The following SNX27 variants were observed in gnomAD, a reference collection of about 807,000 sequenced individuals.
SNX27 encodes the protein sorting nexin 27, also known as sorting nexin-27.
A neutral mutation model predicts 71.6 loss-of-function variants in SNX27; 22 were observed. The observed-to-expected ratio is 0.31, with a 90% CI of 0.22 to 0.44. The LOEUF is 0.44. Ranked by LOEUF, SNX27 falls within the 20% of genes least tolerant of loss-of-function variation. SNX27 has a pLI of 1.00. For missense variants in SNX27, 531 were observed against 698.6 expected (o/e 0.76, Z 2.70); for synonymous variants, 269 against 277.2 (o/e 0.97, Z 0.29).
chr1:151,637,474 G>A (rs1571790401), intron 1 of SNX27, among the ~76,000 whole-genome samples: 1 of 152,160 alleles, frequency 6.6e-6, no homozygotes, highest in Non-Finnish European at 1.5e-5. Context: ...CACCGCGCCC[G>A]GCGCCTGATC....
chr1:151,618,090 C>A (rs1040452019), intron 1 of SNX27, among the ~76,000 whole-genome samples: 2 of 151,134 alleles, frequency 1.3e-5, no homozygotes, highest in Non-Finnish European at 2.9e-5. Flanking sequence ...GGTCTTGAAC[C>A]CCTGGCCTCA....
At chr1:151,675,734 C>G (rs1315017780) in intron 7 of SNX27, 1 of 141,834 alleles carries the variant, frequency 7.1e-6, no homozygotes, top group Non-Finnish European at 1.5e-5. Context: ...GTGATTAACT[C>G]TTGTAATATC....
At chr1:151,630,357 A>G (rs1423224751) in intron 1 of SNX27, among the ~76,000 whole-genome samples, 2 of 152,164 alleles carry the variant, frequency 1.3e-5, no homozygotes, top group East Asian at 3.8e-4. Flanking sequence ...TTATAAAACC[A>G]TCTCATATTC....
chr1:151,629,495 GCGTATATATATACATATATACA>G (rs1437571910), intron 1 of SNX27: 1 of 149,060 alleles, frequency 6.7e-6, no homozygotes, highest in Non-Finnish European at 1.5e-5. Context: ...ATACATGTAT[GCGTATATATATACATATATACA>G]CGTATATATA....
At chr1:151,689,505 A>G (rs1671341344) in intron 8 of SNX27, among the ~76,000 whole-genome samples, 1 of 152,220 alleles carries the variant, frequency 6.6e-6, no homozygotes, top group Non-Finnish European at 1.5e-5. Context: ...CTTTGTCGGC[A>G]TGCTTCTCTC....
chr1:151,639,584 C>T (rs1352317451), intron 2 of SNX27, among the ~76,000 whole-genome samples: 1 of 152,164 alleles, frequency 6.6e-6, no homozygotes, highest in Non-Finnish European at 1.5e-5. Flanking sequence ...ACTCTTCTTT[C>T]CACATCATGT....
chr1:151,694,220 C>CCAT, intron 11 of SNX27, 150 bp from the exon 12 acceptor site: 1 of 1,415,212 alleles, frequency 7.1e-7, no homozygotes. Context: ...CTCTAAAAGG[C>CCAT]TATGATTCTA....
intron 1 of SNX27, among the ~76,000 whole-genome samples, chr1:151,627,493 A>T (rs543942441): frequency 6.6e-6 from 1 of 152,356 alleles, no homozygotes; most frequent in South Asian, 2.1e-4. Context: ...TTTGAAATAC[A>T]GTTAGGTTCT....
chr1:151,658,413 A>C lies in SNX27; in HGVS notation c.722A>C (p.Glu241Ala). The C allele has an allele frequency of 3.1e-6, 5 of 1,613,948 alleles. No homozygotes were observed. The highest frequency in any genetic ancestry group is 4.2e-6 in the Non-Finnish European group (5 of 1,179,918). Residue 241 changes from glutamate to alanine, a missense_variant, in exon 3 of 12, where the codon GAA becomes GCA. Coordinates refer to ENST00000458013, the MANE Select transcript of SNX27 (RefSeq NM_001330723.2). ...QLDARRRGLE[E>A]YLEKVCSIRV... ...GATGCCCGACGTCGGGGATTGGAAGAATATCTAGAAAAAGGTAATCCAAAC... is the reference window on the plus strand; with the variant it reads ...GATGCCCGACGTCGGGGATTGGAAGCATATCTAGAAAAAGGTAATCCAAAC...
At chr1:151,654,637 A>G (rs6701385) in intron 2 of SNX27, among the ~76,000 whole-genome samples, 14,942 of 152,160 alleles carry the variant, frequency 0.098, 796 homozygotes, top group South Asian at 0.14. Flanking sequence ...TCATTTATAA[A>G]GAAAAGTGAT....
intron 5 of SNX27, among the ~76,000 whole-genome samples, chr1:151,664,470 A>G (rs77723692): frequency 0.031 from 4,747 of 151,990 alleles, 281 homozygotes; most frequent in African/African-American, 0.11. Context: ...CTAGATATCT[A>G]GAATAGGACA....
intron 1 of SNX27, among the ~76,000 whole-genome samples, chr1:151,624,409 T>TATA (rs1667822835): frequency 1.5e-5 from 2 of 129,778 alleles, no homozygotes; most frequent in Non-Finnish European, 3.1e-5. Flanking sequence ...TAGCTTGATT[T>TATA]TATATATATA....
chr1:151,693,096 T>TC lies in SNX27; in HGVS notation c.1518+58dup, dbSNP rs1671535336. The TC allele has an allele frequency of 1.9e-6, 3 of 1,590,442 alleles. No individual in the cohort carries two copies. The East Asian group carries it at 6.7e-5, about 36-fold the overall frequency. On this transcript the variant is annotated intron_variant, in intron 10 of 11. Transcript: ENST00000458013. The stretch of plus-strand genomic sequence containing the variant: ...TTAGTTTGTTTTTTTGTTTTTTTTT[T>TC]CAGCTAAATGCATAAATGGAGAGAG...
intron 1 of SNX27, among the ~76,000 whole-genome samples, chr1:151,636,533 GAAC>G (rs1191796021): frequency 2.6e-5 from 4 of 152,070 alleles, no homozygotes; most frequent in Admixed American, 2.6e-4. Context: ...TCAAACTCCT[GAAC>G]TCAAGTGATT....
At chr1:151,658,953 G>A (rs988320714) in intron 3 of SNX27, among the ~76,000 whole-genome samples, 4 of 152,078 alleles carry the variant, frequency 2.6e-5, no homozygotes, top group Admixed American at 6.5e-5. Flanking sequence ...CAAAGTGCTG[G>A]GATTACATGG....
intron 6 of SNX27, among the ~76,000 whole-genome samples, chr1:151,667,724 G>A (rs1670268364): frequency 6.6e-6 from 1 of 150,664 alleles, no homozygotes; most frequent in African/African-American, 2.4e-5. Flanking sequence ...CTACTTGGGA[G>A]GCTGAGGCAG....
At chr1:151,617,483 T>TG (rs1241346878) in intron 1 of SNX27, among the ~76,000 whole-genome samples, 4 of 152,126 alleles carry the variant, frequency 2.6e-5, no homozygotes, top group Non-Finnish European at 5.9e-5. Context: ...TTCTCCATGT[T>TG]GGTCAGGCCA....
At chr1:151,659,784 C>A (rs1669874656) in intron 3 of SNX27, 1 of 152,356 alleles carries the variant, frequency 6.6e-6, no homozygotes, top group Admixed American at 6.5e-5. Flanking sequence ...AATAAGATAG[C>A]TCATCTTCTG....
At chr1:151,646,996 C>A (rs1365696122) in intron 2 of SNX27, among the ~76,000 whole-genome samples, 2 of 151,930 alleles carry the variant, frequency 1.3e-5, no homozygotes, top group East Asian at 3.9e-4. Flanking sequence ...ACATTGACTT[C>A]TATATGTGTT....
Sources: gnomAD v4.1 joint callset for allele counts (sites outside exome capture counted in the v4.1 genomes callset) on GRCh38, gnomAD v4.1.1 for gene constraint, MANE v1.5 for transcripts, NCBI Gene and HGNC (gene_info 2026-07-23, HGNC 2026-07-21) for gene names.